ADAMTS12: variants seen among roughly 807,000 people sequenced by gnomAD.
ADAMTS12 encodes ADAM metallopeptidase with thrombospondin type 1 motif 12, also known as A disintegrin and metalloproteinase with thrombospondin motifs 12.
A neutral mutation model predicts 167.8 loss-of-function variants in ADAMTS12; 118 were observed. The observed-to-expected ratio is 0.70, with a 90% confidence interval of 0.61 to 0.82. ADAMTS12 has a LOEUF of 0.82. ADAMTS12 is among the 40% of genes least tolerant of loss of function. ADAMTS12 has a pLI of 0.00. For missense variants in ADAMTS12, 1,916 were observed against 1,998.8 expected, an observed-to-expected ratio of 0.96 and a Z score of 0.79; for synonymous variants, 704 against 716.9, an observed-to-expected ratio of 0.98 and a Z score of 0.29.
intron 5 of ADAMTS12, among the ~76,000 whole-genome samples, chr5:33,678,801 A>G (rs1357599392): frequency 6.6e-6 from 1 of 152,178 alleles, no homozygotes; most frequent in Non-Finnish European, 1.5e-5. Flanking sequence ...GATTATCTTG[A>G]CTACACTGAG....
intron 16 of ADAMTS12, among the ~76,000 whole-genome samples, chr5:33,605,764 C>T (rs994485822): frequency 5.3e-5 from 8 of 151,352 alleles, no homozygotes; most frequent in African/African-American, 2.0e-4. Flanking sequence ...TAATAATTTT[C>T]TGGCACTGCT....
chr5:33,675,461 C>T (rs1741870561), intron 5 of ADAMTS12, among the ~76,000 whole-genome samples: 1 of 152,132 alleles, frequency 6.6e-6, no homozygotes, highest in Admixed American at 6.6e-5. Flanking sequence ...TCTGGAATAA[C>T]CTGAGAGATA....
intron 2 of ADAMTS12, among the ~76,000 whole-genome samples, chr5:33,782,908 T>G (rs1305588437): frequency 6.6e-6 from 1 of 152,066 alleles, no homozygotes; most frequent in African/African-American, 2.4e-5. Flanking sequence ...TTAGAAGACT[T>G]GAACAATGCT....
intron 3 of ADAMTS12, among the ~76,000 whole-genome samples, chr5:33,710,080 T>G (rs930390369): frequency 6.6e-6 from 1 of 152,180 alleles, no homozygotes; most frequent in Non-Finnish European, 1.5e-5. Context: ...TCTTAGTCCC[T>G]TCCCAGGACT....
rs1453217424 is a variant in ADAMTS12, at chr5:33,577,142, C to A, written c.2884G>T (p.Gly962Cys). 1.2e-6 allele frequency: 2 copies of A among 1,614,152 alleles called. No homozygotes were observed. Among genetic ancestry groups the A allele is most frequent in the Admixed American group, 1.7e-5 (1 of 60,028 alleles). Residue 962 changes from glycine (G) to cysteine (C), a missense_variant, in exon 19 of 24, where the codon GGT becomes TGT. Physicochemically the swap from Gly to Cys is radical, Grantham distance 159. Transcript: ENST00000504830. ...NWSECSVSCG[G>C]GVRIRSVTCA... ...GTGACACTGCGAATCCGCACTCCAC[C>A]ACCACAGGAAACAGAACACTAGAAG...
At chr5:33,861,882 A>T (rs184978305) in intron 2 of ADAMTS12, among the ~76,000 whole-genome samples, 84 of 152,342 alleles carry the variant, frequency 5.5e-4, no homozygotes, top group Non-Finnish European at 1.0e-3. Context: ...ACTCACTCAA[A>T]ACCTCACAAG....
intron 2 of ADAMTS12, among the ~76,000 whole-genome samples, chr5:33,848,819 T>C (rs1379057318): frequency 1.3e-5 from 2 of 152,130 alleles, no homozygotes; most frequent in Non-Finnish European, 2.9e-5. Context: ...AGAGAAAATA[T>C]GAATCTAGAA....
chr5:33,747,040 G>T (rs564581640), intron 3 of ADAMTS12, among the ~76,000 whole-genome samples: 1 of 152,290 alleles, frequency 6.6e-6, no homozygotes, highest in South Asian at 2.1e-4. Context: ...CCTACTGGTT[G>T]TTCTTATCTG....
At chr5:33,844,449 ATGG>A (rs1452110837) in intron 2 of ADAMTS12, among the ~76,000 whole-genome samples, 1 of 152,114 alleles carries the variant, frequency 6.6e-6, no homozygotes, top group Non-Finnish European at 1.5e-5. Flanking sequence ...CCCTTTGGGT[ATGG>A]CCATCTTCTA....
At chr5:33,824,531 G>A (rs1216650735) in intron 2 of ADAMTS12, among the ~76,000 whole-genome samples, 5 of 152,154 alleles carry the variant, frequency 3.3e-5, no homozygotes, top group African/African-American at 4.8e-5. Flanking sequence ...CATACCTAAA[G>A]AATAGATTCC....
chr5:33,667,937 C>T (rs1741530956), intron 5 of ADAMTS12, among the ~76,000 whole-genome samples: 1 of 152,192 alleles, frequency 6.6e-6, no homozygotes, highest in South Asian at 2.1e-4. Context: ...CTTCACCATA[C>T]TACTGCACCT....
At chr5:33,623,055 C>CAA (rs953274909) in intron 14 of ADAMTS12, among the ~76,000 whole-genome samples, 1 of 152,138 alleles carries the variant, frequency 6.6e-6, no homozygotes, top group Non-Finnish European at 1.5e-5. Context: ...TACTAGGGAA[C>CAA]AATAGGTCAT....
chr5:33,595,022 C>T (rs1747841842), intron 17 of ADAMTS12, among the ~76,000 whole-genome samples: 1 of 152,090 alleles, frequency 6.6e-6, no homozygotes, highest in African/African-American at 2.4e-5. Context: ...TAAATACATC[C>T]CTGTTTAAGG....
At chr5:33,732,603 C>T (rs889462044) in intron 3 of ADAMTS12, among the ~76,000 whole-genome samples, 2 of 152,042 alleles carry the variant, frequency 1.3e-5, no homozygotes, top group South Asian at 4.1e-4. Context: ...GCATATTTTG[C>T]ACAACAAATT....
At chr5:33,645,144 T>TTTTTTATTATTA (rs1320844423) in intron 9 of ADAMTS12, among the ~76,000 whole-genome samples, 1 of 146,036 alleles carries the variant, frequency 6.8e-6, no homozygotes. Flanking sequence ...AAATGCTTTA[T>TTTTTTATTATTA]TTATTATTAT....
chr5:33,773,779 T>C (rs1745824288), intron 2 of ADAMTS12, among the ~76,000 whole-genome samples: 1 of 152,206 alleles, frequency 6.6e-6, no homozygotes, highest in East Asian at 1.9e-4. Context: ...GTGATTATGA[T>C]AGACTTTTTT....
intron 11 of ADAMTS12, among the ~76,000 whole-genome samples, chr5:33,641,378 G>T (rs1009212209): frequency 3.3e-5 from 5 of 152,086 alleles, no homozygotes; most frequent in Admixed American, 6.5e-5. Flanking sequence ...CTTAAGGAAA[G>T]AATTATTCTC....
At chr5:33,677,765 C>T (rs533037377) in intron 5 of ADAMTS12, among the ~76,000 whole-genome samples, 2 of 152,302 alleles carry the variant, frequency 1.3e-5, no homozygotes, top group South Asian at 4.2e-4. Context: ...ATATGTTTGA[C>T]ACGTCTTTTC....
At chr5:33,574,444 G>A (rs1288585695) in intron 19 of ADAMTS12, among the ~76,000 whole-genome samples, 2 of 152,212 alleles carry the variant, frequency 1.3e-5, no homozygotes, top group Admixed American at 1.3e-4. Flanking sequence ...CATGTCCTTT[G>A]TAGGGACATG....
Sources: gnomAD v4.1 joint callset for allele counts (sites outside exome capture counted in the v4.1 genomes callset) on GRCh38, gnomAD v4.1.1 for gene constraint, MANE v1.5 for transcripts, NCBI Gene and HGNC (gene_info 2026-07-23, HGNC 2026-07-21) for gene names.